The following KAZN variants were observed in gnomAD, a reference collection of about 807,000 sequenced individuals.
KAZN encodes kazrin, periplakin interacting protein, also known as kazrin.
Under a neutral mutation model 87.4 loss-of-function variants are expected in KAZN, and 40 were observed. That is an observed-to-expected ratio of 0.46 (90% CI 0.36 to 0.60). The LOEUF is 0.60. Among genes scored for constraint, KAZN ranks in the 20% least tolerant of loss-of-function variants. The probability of loss-of-function intolerance (pLI) is 0.00; values close to 1 mark genes in which losing one functional copy is unlikely to be tolerated. For missense variants in KAZN, 898 were observed against 1,073.9 expected, an observed-to-expected ratio of 0.84 and a Z score of 2.29; for synonymous variants, 466 against 458.3, an observed-to-expected ratio of 1.02 and a Z score of -0.22.
At chr1:15,027,116 C>G (rs6694511) in intron 2 of KAZN, among the ~76,000 whole-genome samples, 68,167 of 125,100 alleles carry the variant, frequency 0.54, 18,593 homozygotes, top group African/African-American at 0.64. Context: ...GAGTCTCGCT[C>G]TGTCGCCCAG....
chr1:13,982,994 C>T (rs1255408070), intron 1 of KAZN, among the ~76,000 whole-genome samples: 1 of 151,154 alleles, frequency 6.6e-6, no homozygotes, highest in Admixed American at 6.6e-5. Flanking sequence ...GGTGGGTTTA[C>T]AAACCTTGAG....
intron 2 of KAZN, among the ~76,000 whole-genome samples, chr1:14,390,204 C>G (rs1421726499): frequency 6.6e-6 from 1 of 152,054 alleles, no homozygotes. Context: ...ACTAGGTGCT[C>G]AACAATGATC....
chr1:14,642,168 G>A (rs1001531626), intron 1 of KAZN, among the ~76,000 whole-genome samples: 15 of 152,214 alleles, frequency 9.9e-5, no homozygotes. Flanking sequence ...GGGAGGCCAA[G>A]GCGGGCAGAT....
At chr1:14,704,844 G>A (rs1454289251) in intron 1 of KAZN, among the ~76,000 whole-genome samples, 2 of 152,174 alleles carry the variant, frequency 1.3e-5, no homozygotes, top group African/African-American at 4.8e-5. Context: ...CCTTCCCTGT[G>A]TTGTGGTCAG....
intron 2 of KAZN, among the ~76,000 whole-genome samples, chr1:14,965,982 CTTTTTTT>C (rs71306999): frequency 1.5e-5 from 2 of 129,176 alleles, no homozygotes; most frequent in East Asian, 4.3e-4. Context: ...CTTTCCTTTT[CTTTTTTT>C]TTTTTTTTTT....
chr1:14,737,118 G>T (rs1211980191), intron 1 of KAZN, among the ~76,000 whole-genome samples: 1 of 152,210 alleles, frequency 6.6e-6, no homozygotes, highest in Non-Finnish European at 1.5e-5. Context: ...GGAGATCAGG[G>T]CCAGCCTCAC....
rs566401238 is a variant in KAZN, at chr1:14,250,401, C to T, written c.249+69809C>T. On this transcript the variant is annotated intron_variant, in intron 2 of 16. Transcript: ENST00000636203. ...TTCTAAGACACATATATATGAGATCCGGGATTTTTTTCTTGGGGTCAATCA... is the reference window on the plus strand; with the variant it reads ...TTCTAAGACACATATATATGAGATCTGGGATTTTTTTCTTGGGGTCAATCA... 1.7e-4 allele frequency among the ~76,000 whole-genome samples: 26 copies of T among 151,678 alleles called. No individual in the cohort carries two copies. The South Asian group carries it at 3.3e-3, about 19-fold the overall frequency.
At chr1:14,563,889 G>A (rs112981239) in intron 2 of KAZN, among the ~76,000 whole-genome samples, 1 of 28,010 alleles carries the variant, frequency 3.6e-5, no homozygotes, top group African/African-American at 1.0e-4. Context: ...TTTTTTTTTT[G>A]TCTGAGACAG....
chr1:14,987,627 T>C (rs1345757545), intron 2 of KAZN, among the ~76,000 whole-genome samples: 6 of 152,064 alleles, frequency 3.9e-5, no homozygotes, highest in African/African-American at 1.4e-4. Flanking sequence ...TTCGCGTATG[T>C]TGGGGACCCA....
intron 1 of KAZN, among the ~76,000 whole-genome samples, chr1:14,942,873 T>C (rs1225684280): frequency 2.0e-5 from 3 of 152,086 alleles, no homozygotes; most frequent in South Asian, 4.1e-4. Context: ...AGCAGGGCCG[T>C]CTGTAATCCT....
At chr1:14,688,557 C>T (rs978182175) in intron 1 of KAZN, among the ~76,000 whole-genome samples, 8 of 152,242 alleles carry the variant, frequency 5.3e-5, no homozygotes, top group Non-Finnish European at 4.4e-5. Flanking sequence ...TAGAATATGG[C>T]ATGGGCAAGT....
chr1:14,868,060 A>G (rs115104679), intron 1 of KAZN, among the ~76,000 whole-genome samples: 2 of 151,374 alleles, frequency 1.3e-5, no homozygotes, highest in African/African-American at 2.4e-5. Flanking sequence ...ACATACGCAC[A>G]GCATTGCATA....
intron 2 of KAZN, among the ~76,000 whole-genome samples, chr1:14,268,895 G>C (rs1651705692): frequency 1.3e-5 from 2 of 152,218 alleles, no homozygotes; most frequent in South Asian, 4.1e-4. Context: ...TTTTCAAAGA[G>C]TACAGTAATC....
intron 1 of KAZN, among the ~76,000 whole-genome samples, chr1:13,924,197 C>T (rs1400580663): frequency 6.6e-6 from 1 of 152,010 alleles, no homozygotes; most frequent in East Asian, 1.9e-4. Flanking sequence ...CTGGAAAAGG[C>T]CCCTCAAGGT....
intron 2 of KAZN, among the ~76,000 whole-genome samples, chr1:14,430,014 G>T (rs1474353907): frequency 6.6e-6 from 1 of 152,026 alleles, no homozygotes; most frequent in Non-Finnish European, 1.5e-5. Flanking sequence ...TGGCTTGGCT[G>T]TTCCTCAAAC....
chr1:14,544,876 G>T (rs1240891195), intron 2 of KAZN, among the ~76,000 whole-genome samples: 1 of 151,934 alleles, frequency 6.6e-6, no homozygotes, highest in Non-Finnish European at 1.5e-5. Context: ...GGCCCCCTTG[G>T]CTTCTGATGC....
chr1:14,127,028 C>G (rs1469398270), intron 1 of KAZN, among the ~76,000 whole-genome samples: 2 of 152,184 alleles, frequency 1.3e-5, no homozygotes, highest in Non-Finnish European at 2.9e-5. Context: ...TTCGCTTGAA[C>G]CCGGGAGGTG....
At chr1:14,193,152 T>C (rs915038721) in intron 2 of KAZN, among the ~76,000 whole-genome samples, 17 of 152,178 alleles carry the variant, frequency 1.1e-4, no homozygotes, top group Non-Finnish European at 2.1e-4. Flanking sequence ...GGTGCCTTGC[T>C]TCCGCTTCAC....
intron 2 of KAZN, among the ~76,000 whole-genome samples, chr1:14,182,341 T>C (rs530000632): frequency 6.6e-6 from 1 of 152,310 alleles, no homozygotes; most frequent in South Asian, 2.1e-4. Flanking sequence ...GGTAGAAACG[T>C]CATGTGGAAA....
Sources: allele counts gnomAD v4.1 joint callset (sites outside exome capture counted in the v4.1 genomes callset), GRCh38; gene constraint gnomAD v4.1.1; transcripts MANE v1.5; gene names NCBI Gene and HGNC (gene_info 2026-07-23, HGNC 2026-07-21).